PIEZO2: variants seen among roughly 807,000 people sequenced by gnomAD.
PIEZO2 encodes the protein piezo-type mechanosensitive ion channel component 2.
In PIEZO2, 172 loss-of-function variants were observed where a neutral mutation model predicts 337.3. The observed-to-expected ratio is 0.51, with a 90% CI of 0.45 to 0.58. PIEZO2 has a LOEUF of 0.58. Among genes scored for constraint, PIEZO2 ranks in the 20% least tolerant of loss-of-function variants. The probability of loss-of-function intolerance (pLI) is 0.00; values close to 1 mark genes in which losing one functional copy is unlikely to be tolerated. For missense variants in PIEZO2, 3,028 were observed against 3,391.3 expected (o/e 0.89, Z 2.66); for synonymous variants, 1,251 against 1,228.5 (o/e 1.02, Z -0.38).
At chr18:10,927,152 G>A (rs2031792725) in intron 3 of PIEZO2, among the ~76,000 whole-genome samples, 1 of 152,198 alleles carries the variant, frequency 6.6e-6, no homozygotes. Flanking sequence ...TCCGGAGACT[G>A]GCAGCCACTT....
intron 1 of PIEZO2, among the ~76,000 whole-genome samples, chr18:11,139,825 T>C (rs995421235): frequency 3.3e-5 from 5 of 152,200 alleles, no homozygotes; most frequent in African/African-American, 7.2e-5. Flanking sequence ...TATGTCAAGA[T>C]AGACTTCTGT....
intron 3 of PIEZO2, among the ~76,000 whole-genome samples, chr18:10,927,810 G>A (rs1181326371): frequency 6.6e-6 from 1 of 151,962 alleles, no homozygotes; most frequent in Non-Finnish European, 1.5e-5. Context: ...TCTACAACTC[G>A]TAAGCTTTTC....
chr18:11,006,742 T>C (rs1879149499), intron 2 of PIEZO2, among the ~76,000 whole-genome samples: 1 of 152,128 alleles, frequency 6.6e-6, no homozygotes, highest in Admixed American at 6.5e-5. Flanking sequence ...CCTTCTTTGG[T>C]ATATGAATCT....
At chr18:10,812,637 G>C (rs1172194609) in intron 7 of PIEZO2, among the ~76,000 whole-genome samples, 1 of 152,098 alleles carries the variant, frequency 6.6e-6, no homozygotes, top group East Asian at 1.9e-4. Flanking sequence ...TCCAGCGCAC[G>C]GTTCATTCTT....
intron 17 of PIEZO2, among the ~76,000 whole-genome samples, chr18:10,782,646 G>A (rs929465924): frequency 2.0e-5 from 3 of 150,188 alleles, no homozygotes; most frequent in Non-Finnish European, 2.9e-5. Flanking sequence ...AAAATTCACC[G>A]TTAAGGGAGT....
chr18:10,868,521 G>T lies in PIEZO2; in HGVS notation c.492+2732C>A, dbSNP rs147994670. Among the ~76,000 whole-genome samples, 220 of 150,794 alleles carry T rather than the reference G, an allele frequency of 1.5e-3. 2 individuals are homozygous for T. The highest frequency in any genetic ancestry group is 4.3e-3 in the African/African-American group (178 of 41,366). ...ACGTGACAAGAGAATAAAAATCAAT[G>T]ATGTAAAATAGCCCCAAACAAATGT... On this transcript the variant is annotated intron_variant, in intron 5 of 55. Coordinates refer to ENST00000674853, the MANE Select transcript of PIEZO2 (RefSeq NM_001378183.1).
rs558652174 is a variant in PIEZO2, at chr18:10,675,260, C to T, written c.8110G>A (p.Val2704Met). The change falls in exon 54 of 56, where the codon GTG becomes ATG. Residue 2704 changes from valine to methionine, a missense_variant. Val to Met is a conservative substitution (Grantham distance 21). This residue lies in a region of PIEZO2 where 332 missense variants were observed against 363.8 expected (regional missense o/e 0.91). Coordinates refer to ENST00000674853, the MANE Select transcript of PIEZO2 (RefSeq NM_001378183.1). ...VTIEKIYPYY[V>M]KAPSDSNSKP... ...GAGTTAGAATCACTAGGTGCTTTCA[C>T]ATAATATGGATAAATCTTTTCTATG... 13 of 1,540,836 alleles carry T rather than the reference C, an allele frequency of 8.4e-6. No homozygotes were observed. The South Asian group carries it at 1.5e-4, about 18-fold the overall frequency.
chr18:11,028,498 T>A lies in PIEZO2; in HGVS notation c.160+37629A>T, dbSNP rs182951528. On this transcript the variant is annotated intron_variant, in intron 2 of 55. Transcript: ENST00000674853. The surrounding 1 kb of genome is among the most constrained non-coding windows in gnomAD (Gnocchi z 4.8). ...CTGGTCCCGAACTCCTGACCTCAGA[T>A]GATCCGCCAGCCTTGGACTCCCAAA... is the stretch of plus-strand genomic sequence containing the variant. 6.3e-3 allele frequency among the ~76,000 whole-genome samples: 966 copies of A among 152,280 alleles called. 6 individuals carry two copies. The highest frequency in any genetic ancestry group is 0.011 in the Non-Finnish European group (715 of 68,032).
At chr18:10,916,818 A>G (rs1015166927) in intron 3 of PIEZO2, among the ~76,000 whole-genome samples, 1 of 152,224 alleles carries the variant, frequency 6.6e-6, no homozygotes, top group African/African-American at 2.4e-5. Context: ...GATGGCTGCC[A>G]GCACGCTGTC....
Position 10,797,025 on chromosome 18 carries a change from A to G in PIEZO2, c.1527+349T>C, listed in dbSNP as rs1455947389. ...ACCGTCATAGCATACATACCATCAT[A>G]TCATATCTTACATACCATCATATAT... On this transcript the variant is annotated intron_variant, in intron 12 of 55. Coordinates refer to ENST00000674853, the MANE Select transcript of PIEZO2 (RefSeq NM_001378183.1). Among the ~76,000 whole-genome samples the G allele has an allele frequency of 1.7e-4, 26 of 148,580 alleles. 1 individual carries two copies. In the Admixed American group the frequency reaches 1.8e-3, roughly 10 times the overall value.
At chr18:11,121,339 G>T (rs2040024636) in intron 1 of PIEZO2, among the ~76,000 whole-genome samples, 1 of 152,128 alleles carries the variant, frequency 6.6e-6, no homozygotes, top group African/African-American at 2.4e-5. Flanking sequence ...AGAATCACTT[G>T]AAGCCAAGAG....
At position 10,724,812 on chromosome 18, in the gene PIEZO2, G is replaced by A. The variant is rs1456155896; in HGVS notation, c.5030-6553C>T. ...TGCAGCCCCAGCCTGAGCAGCAGTCGTTCTCACAGATGCACCTGGGCCACG... is the reference window on the plus strand; with the variant it reads ...TGCAGCCCCAGCCTGAGCAGCAGTCATTCTCACAGATGCACCTGGGCCACG... On this transcript the variant is annotated intron_variant, in intron 36 of 55. Coordinates refer to ENST00000674853, the MANE Select transcript of PIEZO2 (RefSeq NM_001378183.1). The surrounding 1 kb of genome is among the most constrained non-coding windows in gnomAD (Gnocchi z 5.8). The A allele has an allele frequency of 1.9e-6, 3 of 1,592,244 alleles. No individual in the cohort carries two copies. The highest frequency in any genetic ancestry group is 1.7e-5 in the Admixed American group (1 of 57,398).
At chr18:11,120,805 T>C (rs545699497) in intron 1 of PIEZO2, among the ~76,000 whole-genome samples, 36 of 152,400 alleles carry the variant, frequency 2.4e-4, no homozygotes, top group Middle Eastern at 3.4e-3. Context: ...GTTACCATTT[T>C]TGTTGCATCT....
intron 4 of PIEZO2, among the ~76,000 whole-genome samples, chr18:10,907,821 T>C (rs928224308): frequency 1.1e-4 from 16 of 152,260 alleles, no homozygotes; most frequent in Non-Finnish European, 8.8e-5. Flanking sequence ...GTGAGCTGAT[T>C]GAAACCAACA....
At chr18:10,990,980 A>T (rs2035068038) in intron 2 of PIEZO2, among the ~76,000 whole-genome samples, 1 of 150,938 alleles carries the variant, frequency 6.6e-6, no homozygotes, top group Non-Finnish European at 1.5e-5. Flanking sequence ...TATTTTTTGT[A>T]GTATATTTAT....
Position 11,016,118 on chromosome 18 carries a change from T to G in PIEZO2, c.161-36458A>C, listed in dbSNP as rs1001384354. On this transcript the variant is annotated intron_variant, in intron 2 of 55. Coordinates refer to ENST00000674853, the MANE Select transcript of PIEZO2 (RefSeq NM_001378183.1). The surrounding 1 kb of genome is among the most constrained non-coding windows in gnomAD (Gnocchi z 5.6). ...CCCAAACCAACAACAGCAGGACCTC[T>G]TATTAACCTCTGTTAATACCTCAAT... 1.3e-5 allele frequency among the ~76,000 whole-genome samples: 2 copies of G among 152,202 alleles called. No homozygotes were observed. The highest frequency in any genetic ancestry group is 2.9e-5 in the Non-Finnish European group (2 of 68,034).
intron 7 of PIEZO2, among the ~76,000 whole-genome samples, chr18:10,839,777 A>ATTT (rs35379345): frequency 1.3e-5 from 2 of 151,668 alleles, no homozygotes; most frequent in African/African-American, 2.4e-5. Context: ...AAGGAGTATC[A>ATTT]TTTTTTTTTA....
At chr18:11,137,145 C>T (rs1188844387) in intron 1 of PIEZO2, among the ~76,000 whole-genome samples, 3 of 152,084 alleles carry the variant, frequency 2.0e-5, no homozygotes, top group Non-Finnish European at 4.4e-5. Flanking sequence ...GGAGGATCAT[C>T]GAAATATTAG....
rs1036999724 is a variant in PIEZO2 at position 10,815,860 on chromosome 18, G to A, written c.918-8586C>T. ...TACCCAGTTATACAGCTCATGAGGT[G>A]GAGGCCTAGGTGATGCTTGGTCCTC... is the stretch of plus-strand genomic sequence containing the variant. On this transcript the variant is annotated intron_variant, in intron 7 of 55. Coordinates refer to ENST00000674853, the MANE Select transcript of PIEZO2 (RefSeq NM_001378183.1). The surrounding 1 kb of genome is among the most constrained non-coding windows in gnomAD (Gnocchi z 4.1). 6.6e-6 allele frequency among the ~76,000 whole-genome samples: 1 copy of A among 152,174 alleles called. No homozygotes were observed. The highest frequency in any genetic ancestry group is 2.4e-5 in the African/African-American group (1 of 41,448).
Sources: gnomAD v4.1 joint callset for allele counts (sites outside exome capture counted in the v4.1 genomes callset) on GRCh38, gnomAD v4.1.1 for gene constraint, gnomAD v4.1.1 regional missense constraint, Gnocchi (gnomAD v3.1) non-coding constraint, MANE v1.5 for transcripts, NCBI Gene and HGNC (gene_info 2026-07-23, HGNC 2026-07-21) for gene names.